Variants in TUT4 observed in about 807,000 individuals in gnomAD.
The protein encoded by TUT4 is terminal uridylyltransferase 4.
A neutral mutation model predicts 192.2 loss-of-function variants in TUT4; 36 were observed. That is an observed-to-expected ratio of 0.19 (90% confidence interval 0.14 to 0.25). The LOEUF is 0.25. Ranked by LOEUF, TUT4 falls within the 10% of genes least tolerant of loss-of-function variation. The probability of loss-of-function intolerance (pLI) is 1.00; values close to 1 mark genes in which losing one functional copy is unlikely to be tolerated. For synonymous variants in TUT4, 618 were observed against 666.0 expected, an observed-to-expected ratio of 0.93 and a Z score of 1.11; for missense variants, 1,493 against 1,957.2, an observed-to-expected ratio of 0.76 and a Z score of 4.47.
chr1:52,481,242 T>C (rs534022377), intron 11 of TUT4, among the ~76,000 whole-genome samples, 181 bp downstream of exon 11: 4 of 152,258 alleles, frequency 2.6e-5, no homozygotes, highest in African/African-American at 9.6e-5. Flanking sequence ...AGGCATAAAT[T>C]CATTAGAGAA....
intron 2 of TUT4, 42 bp downstream of exon 2, chr1:52,525,521 A>T: frequency 6.4e-7 from 1 of 1,561,946 alleles, no homozygotes; most frequent in South Asian, 1.2e-5. Context: ...GGATAATCTA[A>T]AGAACATTAA....
chr1:52,505,830 GTTTT>G (rs199545493), intron 4 of TUT4, among the ~76,000 whole-genome samples: 2 of 151,276 alleles, frequency 1.3e-5, no homozygotes, highest in South Asian at 4.2e-4. Flanking sequence ...AATGAGCGGG[GTTTT>G]TTTTGTTTTT....
intron 11 of TUT4, among the ~76,000 whole-genome samples, chr1:52,479,981 C>T (rs1391252770): frequency 2.3e-5 from 3 of 130,758 alleles, no homozygotes; most frequent in Non-Finnish European, 3.1e-5. Context: ...GGCGACAGAG[C>T]GAGACTCCGT....
At chr1:52,506,847 G>A (rs914666625) in intron 4 of TUT4, among the ~76,000 whole-genome samples, 1 of 152,014 alleles carries the variant, frequency 6.6e-6, no homozygotes, top group African/African-American at 2.4e-5. Flanking sequence ...GATAATCTTT[G>A]ACTAAATGCT....
chr1:52,495,399 C>A, intron 6 of TUT4, 28 bp downstream of exon 6: 1 of 1,418,912 alleles, frequency 7.0e-7, no homozygotes, highest in Non-Finnish European at 9.8e-7. Context: ...TAGTTAAGAA[C>A]CACACAGGAA....
intron 24 of TUT4, among the ~76,000 whole-genome samples, chr1:52,442,472 T>C (rs1272365257): frequency 1.3e-5 from 2 of 152,244 alleles, no homozygotes; most frequent in Non-Finnish European, 2.9e-5. Context: ...TACAAGGACA[T>C]TTTTGACCAT....
At chr1:52,457,793 A>G (rs1216103992) in intron 20 of TUT4, among the ~76,000 whole-genome samples, 1 of 152,224 alleles carries the variant, frequency 6.6e-6, no homozygotes, top group Admixed American at 6.5e-5. Context: ...TAAGTCACCA[A>G]TTCTGAGTGA....
chr1:52,520,259 G>GT (rs1285150300), intron 2 of TUT4, among the ~76,000 whole-genome samples: 1 of 152,154 alleles, frequency 6.6e-6, no homozygotes, highest in African/African-American at 2.4e-5. Flanking sequence ...ACTAGCCACT[G>GT]TAAGAACACT....
At chr1:52,483,024 C>T (rs1668887388) in intron 9 of TUT4, among the ~76,000 whole-genome samples, 1 of 152,140 alleles carries the variant, frequency 6.6e-6, no homozygotes, top group Non-Finnish European at 1.5e-5. Flanking sequence ...CCACTAGGAA[C>T]CCAGGTGTGT....
chr1:52,493,883 A>C (rs1053436787), intron 6 of TUT4, among the ~76,000 whole-genome samples: 2 of 151,762 alleles, frequency 1.3e-5, no homozygotes, highest in African/African-American at 2.4e-5. Context: ...TACAGCCTGA[A>C]CTTCTGGGCT....
intron 7 of TUT4, 140 bp downstream of exon 7, chr1:52,493,471 A>G (rs902273897): frequency 2.5e-5 from 15 of 593,216 alleles, no homozygotes; most frequent in African/African-American, 3.9e-5. Context: ...AAGTGTGTGT[A>G]TGTATCTCCA....
At chr1:52,496,923 A>T in intron 5 of TUT4, 83 bp downstream of exon 5, 1 of 1,314,626 alleles carries the variant, frequency 7.6e-7, no homozygotes, top group East Asian at 2.5e-5. Flanking sequence ...GGGAAGAAAA[A>T]CATTAAGAAA....
intron 20 of TUT4, among the ~76,000 whole-genome samples, chr1:52,454,371 A>T (rs186780384): frequency 2.3e-3 from 343 of 152,360 alleles, no homozygotes; most frequent in Non-Finnish European, 3.9e-3. Context: ...TTGGTGAAAT[A>T]ATAAATAAAT....
intron 29 of TUT4, chr1:52,424,704 C>T (rs2148000365): frequency 6.6e-6 from 1 of 152,268 alleles, no homozygotes; most frequent in Middle Eastern, 3.4e-3. Context: ...TACAATAGCA[C>T]CAGCAGAACA....
At chr1:52,501,395 A>G (rs773778234) in intron 4 of TUT4, among the ~76,000 whole-genome samples, 3 of 150,016 alleles carry the variant, frequency 2.0e-5, no homozygotes, top group Non-Finnish European at 4.4e-5. Context: ...AATCAAAAGC[A>G]CAATGAAATA....
At chr1:52,520,855 C>T (rs1571234931) in intron 2 of TUT4, among the ~76,000 whole-genome samples, 1 of 151,952 alleles carries the variant, frequency 6.6e-6, no homozygotes. Context: ...TGCAATGACG[C>T]GATCTCAGCT....
intron 2 of TUT4, among the ~76,000 whole-genome samples, chr1:52,524,816 CA>C (rs111533257): frequency 1.3e-5 from 2 of 151,070 alleles, no homozygotes; most frequent in Non-Finnish European, 3.0e-5. Context: ...AAACAAAAAA[CA>C]AAAAAAAATT....
chr1:52,449,469 T>C (rs991682038), intron 20 of TUT4, among the ~76,000 whole-genome samples: 1 of 152,146 alleles, frequency 6.6e-6, no homozygotes, highest in Non-Finnish European at 1.5e-5. Flanking sequence ...TGGCTAATTT[T>C]TGTATTTTTT....
intron 7 of TUT4, 130 bp downstream of exon 7, chr1:52,493,481 A>C (rs1671694560): frequency 4.8e-6 from 3 of 623,572 alleles, no homozygotes; most frequent in Non-Finnish European, 8.5e-6. Flanking sequence ...ATGTATCTCC[A>C]TTTGTAATGC....
Sources: gnomAD v4.1 joint callset for allele counts (sites outside exome capture counted in the v4.1 genomes callset) on GRCh38, gnomAD v4.1.1 for gene constraint, MANE v1.5 for transcripts, NCBI Gene and HGNC (gene_info 2026-07-23, HGNC 2026-07-21) for gene names.